Variants in DNAH6 observed in about 807,000 individuals in gnomAD.
DNAH6 encodes axonemal beta dynein heavy chain 6.
Under a neutral mutation model 491.4 loss-of-function variants are expected in DNAH6, and 340 were observed. That is an observed-to-expected ratio of 0.69 (90% CI 0.63 to 0.76). DNAH6 has a LOEUF of 0.76. Ranked by LOEUF, DNAH6 falls within the 30% of genes least tolerant of loss-of-function variation. The pLI, the probability that DNAH6 is intolerant of heterozygous loss-of-function variation, is 0.00. For missense variants in DNAH6, 4,443 were observed against 4,972.2 expected, an observed-to-expected ratio of 0.89 and a Z score of 3.20; for synonymous variants, 1,603 against 1,686.1, an observed-to-expected ratio of 0.95 and a Z score of 1.21.
In DNAH6 at chr2:84,707,006, A is replaced by T; in HGVS notation, c.8838A>T (p.Glu2946Asp). Residue 2946 changes from glutamate to aspartate, a missense_variant, in exon 53 of 77, where the codon GAA becomes GAT. Glu to Asp is a conservative substitution (Grantham distance 45). Transcript: ENST00000389394. The stretch of plus-strand genomic sequence containing the variant: ...ATGAATATGACAAAGGTGTAAATGA[A>T]AAAGAAAGCCTGGGTAAGTAACTCA... ...LQDEYDKGVN[E>D]KESLAKTMAL... 1 of 1,516,842 alleles carries T rather than the reference A, an allele frequency of 6.6e-7. No individual in the cohort carries two copies. The highest frequency in any genetic ancestry group is 8.8e-7 in the Non-Finnish European group (1 of 1,138,764). 94.0% of individuals were successfully genotyped at this position (1,516,842 alleles called of 1,614,324 possible). A position where few individuals can be genotyped will look rare whatever the true frequency, so the allele number is the denominator to read the frequency against.
chr2:84,523,696 T>G (rs1311653699), intron 2 of DNAH6, among the ~76,000 whole-genome samples: 4 of 152,198 alleles, frequency 2.6e-5, no homozygotes, highest in African/African-American at 9.6e-5. Flanking sequence ...ATTTCTGCCT[T>G]AACTTCATTA....
chr2:84,543,217 C>G (rs1285221818), intron 4 of DNAH6, among the ~76,000 whole-genome samples: 1 of 152,038 alleles, frequency 6.6e-6, no homozygotes, highest in African/African-American at 2.4e-5. Context: ...GGACCATGGA[C>G]TCCAGGTTCA....
intron 4 of DNAH6, 52 bp downstream of exon 4, chr2:84,529,218 C>A: frequency 2.4e-6 from 3 of 1,226,404 alleles, no homozygotes; most frequent in Non-Finnish European, 3.4e-6. Context: ...AATAAGATTT[C>A]ACATATTATT....
At chr2:84,499,053 C>T in the DNAH6 span, among the ~76,000 whole-genome samples, 1 of 152,212 alleles carries the variant, frequency 6.6e-6, no homozygotes, top group East Asian at 1.9e-4. Context: ...ATCCAATTTA[C>T]ACTCTACAAA....
chr2:84,565,914 TC>T (rs1681153171), intron 11 of DNAH6, among the ~76,000 whole-genome samples: 1 of 152,006 alleles, frequency 6.6e-6, no homozygotes, highest in Admixed American at 6.6e-5. Flanking sequence ...GAATAGTGAC[TC>T]CTGCTCTTTT....
chr2:84,611,221 AG>A (rs1377644058), intron 21 of DNAH6, among the ~76,000 whole-genome samples: 1 of 152,186 alleles, frequency 6.6e-6, no homozygotes, highest in Non-Finnish European at 1.5e-5. Context: ...TGACATGAGC[AG>A]GGTTTTTTAA....
rs558537145 is a variant in DNAH6, at chr2:84,654,758, T to C, written c.5733T>C (p.Thr1911=). 978 of 1,551,098 alleles carry C rather than the reference T, an allele frequency of 6.3e-4. 9 individuals carry two copies. In the South Asian group the frequency reaches 7.3e-3, roughly 12 times the overall value. The change falls in exon 35 of 77, where the codon ACT becomes ACC. Residue 1911 remains threonine (T), a synonymous_variant. Coordinates refer to ENST00000389394, the MANE Select transcript of DNAH6 (RefSeq NM_001370.2). ...EELKWMPYVK[T]WMKGISKKLT... ...TGAAATGGATGCCTTATGTTAAAAC[T>C]TGGATGAAGGGTATTTCTAAAAAAG...
intron 4 of DNAH6, among the ~76,000 whole-genome samples, chr2:84,540,886 A>G (rs1265488915): frequency 1.3e-5 from 2 of 152,184 alleles, no homozygotes; most frequent in African/African-American, 2.4e-5. Context: ...ATATAATTTT[A>G]TTTGAGACTT....
intron 71 of DNAH6, among the ~76,000 whole-genome samples, chr2:84,807,828 C>T (rs903940151): frequency 6.6e-6 from 1 of 152,114 alleles, no homozygotes; most frequent in African/African-American, 2.4e-5. Flanking sequence ...TTGCAGATAC[C>T]ACTGAGCCAT....
intron 34 of DNAH6, 138 bp from the exon 35 acceptor site, chr2:84,654,522 C>G: frequency 9.1e-7 from 1 of 1,102,354 alleles, no homozygotes; most frequent in South Asian, 1.8e-5. Context: ...TATTGCTCTC[C>G]CACTCTCTTC....
At chr2:84,545,293 C>T (rs1678667878) in intron 5 of DNAH6, among the ~76,000 whole-genome samples, 1 of 152,060 alleles carries the variant, frequency 6.6e-6, no homozygotes, top group South Asian at 2.1e-4. Context: ...TAGTACAAGA[C>T]AAATATATAA....
intron 37 of DNAH6, among the ~76,000 whole-genome samples, chr2:84,662,008 A>G (rs549229397): frequency 6.6e-6 from 1 of 152,168 alleles, no homozygotes; most frequent in African/African-American, 2.4e-5. Context: ...TACATGTTCT[A>G]TATTTTAATC....
At chr2:84,595,867 A>T (rs1417054458) in intron 18 of DNAH6, 78 bp downstream of exon 18, 1 of 1,362,558 alleles carries the variant, frequency 7.3e-7, no homozygotes, top group Middle Eastern at 1.9e-4. Flanking sequence ...AAAATCAGGA[A>T]TTTTTCCCTG....
chr2:84,642,240 C>A (rs1689484735), intron 33 of DNAH6, among the ~76,000 whole-genome samples, 186 bp downstream of exon 33: 1 of 152,178 alleles, frequency 6.6e-6, no homozygotes, highest in African/African-American at 2.4e-5. Flanking sequence ...TAATTACAAT[C>A]ATTTGTGTTT....
intron 12 of DNAH6, 59 bp from the exon 13 acceptor site, chr2:84,577,198 A>G (rs1682531732): frequency 9.6e-7 from 1 of 1,039,914 alleles, no homozygotes; most frequent in Non-Finnish European, 1.3e-6. Flanking sequence ...ATATTTTGTA[A>G]TGATCTTTTA....
chr2:84,655,114 G>A (rs773919954), intron 35 of DNAH6, among the ~76,000 whole-genome samples: 28 of 152,100 alleles, frequency 1.8e-4, no homozygotes, highest in Admixed American at 5.9e-4. Context: ...TTGAGACTTC[G>A]CAGAAAGCTT....
chr2:84,528,853 TG>T (rs1216303214), intron 3 of DNAH6, 50 bp from the exon 4 acceptor site: 1 of 1,476,766 alleles, frequency 6.8e-7, no homozygotes, highest in Non-Finnish European at 9.1e-7. Flanking sequence ...TGCTCTTGTG[TG>T]TATGTGTGCA....
chr2:84,808,557 T>G lies in DNAH6; in HGVS notation c.11739+15T>G, dbSNP rs1360244985. ...AGTTAATTCATGTATGAGAGCTTACTTTCATCATTGCTATTGAGCATCAAA... is the reference window on the plus strand; with the variant it reads ...AGTTAATTCATGTATGAGAGCTTACGTTCATCATTGCTATTGAGCATCAAA... On this transcript the variant is annotated intron_variant, in intron 72 of 76. Transcript: ENST00000389394. 1 of 1,551,118 alleles carries G rather than the reference T, an allele frequency of 6.4e-7. No homozygotes were observed. Among genetic ancestry groups the G allele is most frequent in the East Asian group, 2.4e-5 (1 of 40,926 alleles).
chr2:84,762,713 G>C, intron 63 of DNAH6, 42 bp from the exon 64 acceptor site: 1 of 1,391,070 alleles, frequency 7.2e-7, no homozygotes, highest in South Asian at 1.3e-5. Context: ...AATTATGAAG[G>C]ATCCTCATTC....
Sources: allele counts gnomAD v4.1 joint callset (sites outside exome capture counted in the v4.1 genomes callset), GRCh38; gene constraint gnomAD v4.1.1; transcripts MANE v1.5; gene names NCBI Gene and HGNC (gene_info 2026-07-23, HGNC 2026-07-21).